The following FARP1 variants were observed in gnomAD, a reference collection of about 807,000 sequenced individuals.
FARP1 encodes the protein FERM, ARHGEF and pleckstrin domain-containing protein 1.
In FARP1, 52 loss-of-function variants were observed where a neutral mutation model predicts 128.8. The observed-to-expected ratio is 0.40, with a 90% CI of 0.32 to 0.51. The LOEUF (loss-of-function observed/expected upper bound fraction) is 0.51. Ranked by LOEUF, FARP1 falls within the 20% of genes least tolerant of loss-of-function variation. The probability of loss-of-function intolerance (pLI) is 0.45; values close to 1 mark genes in which losing one functional copy is unlikely to be tolerated. For synonymous variants in FARP1, 580 were observed against 551.8 expected (o/e 1.05, Z -0.72); for missense variants, 1,333 against 1,367.9 (o/e 0.97, Z 0.40).
At chr13:98,313,561 C>T (rs1031242459) in intron 2 of FARP1, among the ~76,000 whole-genome samples, 1 of 152,198 alleles carries the variant, frequency 6.6e-6, no homozygotes, top group African/African-American at 2.4e-5. Flanking sequence ...AACTTCTGTT[C>T]CTTTAAGCCA....
chr13:98,194,535 T>G (rs1879450884), intron 1 of FARP1, among the ~76,000 whole-genome samples: 1 of 152,236 alleles, frequency 6.6e-6, no homozygotes, highest in African/African-American at 2.4e-5. Flanking sequence ...ATTGCCAAGG[T>G]CTGATTTTGC....
chr13:98,176,105 CTCTCATCTTA>C lies in FARP1; in HGVS notation c.-24+32614_-24+32623del. ...TGGGATTGCAGGAAGACTGTCATCT[CTCTCATCTTA>C]CTCAACAGGCTGCTTCTCCCCAGTG... On this transcript the variant is annotated intron_variant, in intron 1 of 26. Transcript: ENST00000319562. The surrounding 1 kb of genome is among the most constrained non-coding windows in gnomAD (Gnocchi z 6.2). 1 of 1,446,734 alleles carries C rather than the reference CTCTCATCTTA, an allele frequency of 6.9e-7. No individual in the cohort carries two copies. The highest frequency in any genetic ancestry group is 1.8e-5 in the Admixed American group (1 of 56,668). 89.6% of individuals were successfully genotyped at this position (1,446,734 alleles called of 1,614,324 possible).
intron 2 of FARP1, among the ~76,000 whole-genome samples, chr13:98,303,336 A>C (rs1374776331): frequency 1.3e-5 from 2 of 152,228 alleles, no homozygotes; most frequent in Non-Finnish European, 2.9e-5. Flanking sequence ...AGTCCTAGAA[A>C]TGTACTAAAA....
intron 1 of FARP1, among the ~76,000 whole-genome samples, chr13:98,145,830 C>G (rs1393644610): frequency 6.8e-6 from 1 of 147,600 alleles, no homozygotes. Context: ...CCACTGCACT[C>G]CAGCCTGGGC....
At chr13:98,215,261 C>G (rs758496744) in intron 2 of FARP1, among the ~76,000 whole-genome samples, 4 of 152,152 alleles carry the variant, frequency 2.6e-5, no homozygotes, top group Non-Finnish European at 5.9e-5. Flanking sequence ...TTTATAAGCC[C>G]TTTGTCTGGA....
At chr13:98,256,122 G>A (rs191650610) in intron 2 of FARP1, among the ~76,000 whole-genome samples, 1 of 152,344 alleles carries the variant, frequency 6.6e-6, no homozygotes, top group East Asian at 1.9e-4. Context: ...ATCCAAAGAT[G>A]TTCGTGAAAG....
intron 3 of FARP1, among the ~76,000 whole-genome samples, chr13:98,344,393 G>T (rs1888093464): frequency 6.6e-6 from 1 of 152,094 alleles, no homozygotes; most frequent in South Asian, 2.1e-4. Flanking sequence ...GGCTTGGAGT[G>T]GCTCAGTTTT....
chr13:98,183,527 T>C (rs1039834836), intron 1 of FARP1, among the ~76,000 whole-genome samples: 7 of 152,248 alleles, frequency 4.6e-5, no homozygotes, highest in African/African-American at 1.7e-4. Flanking sequence ...GGGTCCACGC[T>C]TGGACGAATG....
rs550078821 is a variant in FARP1, at chr13:98,452,642, T to C, written c.*4325T>C. On this transcript the variant is annotated 3_prime_UTR_variant, in exon 27 of 27. Coordinates refer to ENST00000319562, the MANE Select transcript of FARP1 (RefSeq NM_005766.4). ...CTCAAGTTATGGCCTGTCGAATATT[T>C]ACTCCACTGACGTTATCTACAGAAG... 1 of 152,990 alleles carries C rather than the reference T, an allele frequency of 6.5e-6. No individual in the cohort carries two copies. The highest frequency in any genetic ancestry group is 2.1e-4 in the South Asian group (1 of 4,842). The allele number at this position is 152,990 out of a possible 1,614,324, so 9.5% of individuals were successfully genotyped here. A position where few individuals can be genotyped will look rare whatever the true frequency, so the allele number is the denominator to read the frequency against.
chr13:98,181,627 T>TGAGAGAGAGAGAGAGAGAGAG (rs1410176235), intron 1 of FARP1, among the ~76,000 whole-genome samples: 3 of 104,242 alleles, frequency 2.9e-5, no homozygotes, highest in African/African-American at 1.3e-4. Flanking sequence ...TTTATTTATT[T>TGAGAGAGAGAGAGAGAGAGAG]ATTTATTTAT....
At chr13:98,337,712 G>A (rs1294421809) in intron 2 of FARP1, among the ~76,000 whole-genome samples, 2 of 152,014 alleles carry the variant, frequency 1.3e-5, no homozygotes, top group Non-Finnish European at 2.9e-5. Flanking sequence ...AACTTGACTT[G>A]TTTACAGGTT....
intron 13 of FARP1, chr13:98,397,115 C>T (rs1389862755): frequency 6.6e-6 from 1 of 152,190 alleles, no homozygotes; most frequent in East Asian, 1.9e-4. Context: ...CTGTGAAATA[C>T]TAGAAAAGTT....
chr13:98,325,322 CCTTTT>C (rs1205607801), intron 2 of FARP1, among the ~76,000 whole-genome samples: 4 of 152,040 alleles, frequency 2.6e-5, no homozygotes, highest in African/African-American at 9.7e-5. Context: ...GTTGTGTTTT[CCTTTT>C]CTTTTTTTGT....
chr13:98,314,688 T>C (rs1444114175), intron 2 of FARP1, among the ~76,000 whole-genome samples: 2 of 152,322 alleles, frequency 1.3e-5, no homozygotes, highest in Non-Finnish European at 2.9e-5. Flanking sequence ...CAGAATTTGC[T>C]TAAAGCAAAT....
chr13:98,230,031 A>G (rs1882024912), intron 2 of FARP1, among the ~76,000 whole-genome samples: 2 of 152,218 alleles, frequency 1.3e-5, no homozygotes, highest in African/African-American at 2.4e-5. Context: ...AGGCAGCCTG[A>G]TGGTCACTGG....
chr13:98,413,947 G>A (rs10450810), intron 16 of FARP1, among the ~76,000 whole-genome samples: 23,576 of 152,126 alleles, frequency 0.15, 1,984 homozygotes, highest in Middle Eastern at 0.26. Flanking sequence ...ATTTAAATAA[G>A]GTTGGAGAGG....
At chr13:98,177,170 TGAAGAGGAAGGTGCATACCTG>T (rs755807213) in intron 1 of FARP1, 15 of 1,607,508 alleles carry the variant, frequency 9.3e-6, no homozygotes, top group Middle Eastern at 2.0e-4. Flanking sequence ...CCAGGCTTTT[TGAAGAGGAAGGTGCATACCTG>T]GTCTGCTTGG....
At chr13:98,271,327 A>T (rs1484745421) in intron 2 of FARP1, among the ~76,000 whole-genome samples, 4 of 152,184 alleles carry the variant, frequency 2.6e-5, no homozygotes, top group Non-Finnish European at 5.9e-5. Flanking sequence ...GTCATTTGCT[A>T]AATGCTCCTC....
At chr13:98,303,643 T>C (rs753368574) in intron 2 of FARP1, among the ~76,000 whole-genome samples, 24 of 152,196 alleles carry the variant, frequency 1.6e-4, no homozygotes, top group Non-Finnish European at 3.1e-4. Context: ...TCTGAAATGC[T>C]CAACATACAA....
Sources: allele counts gnomAD v4.1 joint callset (sites outside exome capture counted in the v4.1 genomes callset), GRCh38; gene constraint gnomAD v4.1.1; non-coding constraint Gnocchi (gnomAD v3.1); transcripts MANE v1.5; gene names NCBI Gene and HGNC (gene_info 2026-07-23, HGNC 2026-07-21).